SLIT1: variants seen among roughly 807,000 people sequenced by gnomAD.
SLIT1 encodes the protein slit homolog 1 protein.
SLIT1 carries 66 observed loss-of-function variants against 186.1 expected under a neutral mutation model. That is an observed-to-expected ratio of 0.35 (90% CI 0.29 to 0.44). SLIT1 has a LOEUF of 0.44. Ranked by LOEUF, SLIT1 falls within the 20% of genes least tolerant of loss-of-function variation. The probability of loss-of-function intolerance (pLI) is 1.00; values close to 1 mark genes in which losing one functional copy is unlikely to be tolerated. For missense variants in SLIT1, 1,638 were observed against 2,037.4 expected (o/e 0.80, Z 3.77); for synonymous variants, 761 against 833.8 (o/e 0.91, Z 1.50).
chr10:97,062,396 C>T (rs1326640907), intron 8 of SLIT1, among the ~76,000 whole-genome samples: 5 of 152,248 alleles, frequency 3.3e-5, no homozygotes, highest in Admixed American at 3.3e-4. Flanking sequence ...GTGTGGCTGG[C>T]AGGCCCAGTC....
At chr10:97,090,446 A>G (rs1390175632) in intron 4 of SLIT1, among the ~76,000 whole-genome samples, 1 of 152,202 alleles carries the variant, frequency 6.6e-6, no homozygotes, top group African/African-American at 2.4e-5. Context: ...AGCCATAGGC[A>G]GGGACTGGGT....
chr10:97,044,812 A>G (rs1017231314), intron 18 of SLIT1, among the ~76,000 whole-genome samples: 16 of 152,334 alleles, frequency 1.1e-4, no homozygotes, highest in African/African-American at 3.6e-4. Context: ...ATCATGCATT[A>G]TACGTGAACT....
chr10:97,041,719 C>T (rs1848692362), intron 20 of SLIT1, among the ~76,000 whole-genome samples: 3 of 152,288 alleles, frequency 2.0e-5, no homozygotes, highest in Non-Finnish European at 2.9e-5. Context: ...GATCTGCCCG[C>T]CTCGGCCTCC....
At position 97,040,196 on chromosome 10, in the gene SLIT1, C is replaced by G. The variant is rs907970163; in HGVS notation, c.2165-76G>C. The G allele has an allele frequency of 5.6e-5, 78 of 1,402,748 alleles. No individual in the cohort carries two copies. In the African/African-American group the frequency reaches 1.0e-3, roughly 19 times the overall value. The allele number at this position is 1,402,748 out of a possible 1,614,324, so 86.9% of individuals were successfully genotyped here. A position where few individuals can be genotyped will look rare whatever the true frequency, so the allele number is the denominator to read the frequency against. On this transcript the variant is annotated intron_variant, in intron 20 of 36. Coordinates refer to ENST00000266058, the MANE Select transcript of SLIT1 (RefSeq NM_003061.3). Reference sequence around the variant, plus strand: ...AGGGCCTCCTACAGTCAGGGCCATGCTCTGGGGCCTCTCAGAACAGAAGAC... The same window carrying G: ...AGGGCCTCCTACAGTCAGGGCCATGGTCTGGGGCCTCTCAGAACAGAAGAC...
intron 4 of SLIT1, among the ~76,000 whole-genome samples, chr10:97,130,916 C>G (rs545723452): frequency 2.6e-5 from 4 of 152,274 alleles, no homozygotes; most frequent in African/African-American, 7.2e-5. Context: ...CCTAGATTTT[C>G]TCAGGGAACA....
chr10:97,046,529 G>T, intron 18 of SLIT1, 125 bp downstream of exon 18: 1 of 957,500 alleles, frequency 1.0e-6, no homozygotes, highest in Non-Finnish European at 1.5e-6. Flanking sequence ...AGGATCCTCA[G>T]TTCTCCCCAC....
chr10:97,028,066 G>C (rs1035481319), intron 25 of SLIT1, among the ~76,000 whole-genome samples: 1 of 152,168 alleles, frequency 6.6e-6, no homozygotes, highest in Non-Finnish European at 1.5e-5. Context: ...GCAGAGACAA[G>C]CACAAATGCA....
chr10:97,003,095 C>G lies in SLIT1; in HGVS notation c.3866-103G>C, dbSNP rs562850126. On this transcript the variant is annotated intron_variant, in intron 34 of 36. Transcript: ENST00000266058. ...GCTCCATGGCCTTCCCTCTTGCCTG[C>G]GGCCTCTGTCCTTCATCTCTGCAAC... 2.3e-5 allele frequency: 26 copies of G among 1,148,774 alleles called. No individual in the cohort carries two copies. In the East Asian group the frequency reaches 5.9e-4, roughly 26 times the overall value. 71.2% of individuals were successfully genotyped at this position (1,148,774 alleles called of 1,614,324 possible).
At chr10:97,009,120 G>A (rs559874906) in intron 31 of SLIT1, among the ~76,000 whole-genome samples, 8 of 152,084 alleles carry the variant, frequency 5.3e-5, no homozygotes, top group South Asian at 4.2e-4. Flanking sequence ...CTTGTGATCC[G>A]CCTGCCTCGG....
intron 25 of SLIT1, among the ~76,000 whole-genome samples, chr10:97,029,952 C>T (rs980751634): frequency 7.2e-5 from 11 of 152,218 alleles, no homozygotes; most frequent in East Asian, 1.9e-4. Flanking sequence ...TGTCATAGCA[C>T]GCATCGGAAC....
chr10:97,126,822 G>C (rs1207522725), intron 4 of SLIT1, among the ~76,000 whole-genome samples: 4 of 152,200 alleles, frequency 2.6e-5, no homozygotes, highest in Non-Finnish European at 4.4e-5. Flanking sequence ...GTATGGGTGT[G>C]ACTTGCTCAA....
intron 4 of SLIT1, among the ~76,000 whole-genome samples, chr10:97,112,742 C>T (rs1486205021): frequency 1.3e-5 from 2 of 152,182 alleles, no homozygotes; most frequent in Non-Finnish European, 2.9e-5. Context: ...CACTCTGTCA[C>T]CCAGGCTGGA....
Position 96,998,461 on chromosome 10 carries a change from C to G in SLIT1, c.*2651G>C, listed in dbSNP as rs887690776. The G allele has an allele frequency of 1.3e-5, 2 of 152,224 alleles. No individual in the cohort carries two copies. Among genetic ancestry groups the G allele is most frequent in the African/African-American group, 4.8e-5 (2 of 41,448 alleles). The allele number at this position is 152,224 out of a possible 1,614,324, so 9.4% of individuals were successfully genotyped here. ...AGGCCACAGCTCCCTCCGGACGCAC[C>G]CTGCTGTATCTCTTCATGCCTAAAA... On this transcript the variant is annotated 3_prime_UTR_variant, in exon 37 of 37. Transcript: ENST00000266058.
chr10:97,077,384 C>T (rs1738278949), intron 4 of SLIT1, among the ~76,000 whole-genome samples: 1 of 152,194 alleles, frequency 6.6e-6, no homozygotes, highest in Admixed American at 6.5e-5. Context: ...TGGGTGCTCT[C>T]CTGCTCCCCT....
chr10:97,108,564 C>A (rs560205330), intron 4 of SLIT1, among the ~76,000 whole-genome samples: 2 of 152,174 alleles, frequency 1.3e-5, no homozygotes, highest in Non-Finnish European at 2.9e-5. Context: ...AGGGCCCTCA[C>A]GAAAGGCCCA....
intron 4 of SLIT1, among the ~76,000 whole-genome samples, chr10:97,075,893 T>C (rs1477560576): frequency 2.0e-5 from 3 of 152,208 alleles, no homozygotes. Context: ...ACCTCTGTAC[T>C]GGTTAGCATT....
chr10:97,159,265 C>T (rs146017373), intron 3 of SLIT1, among the ~76,000 whole-genome samples: 59 of 152,290 alleles, frequency 3.9e-4, no homozygotes, highest in Non-Finnish European at 7.6e-4. Flanking sequence ...GCCATTGCCA[C>T]CACATTGGGC....
Position 97,179,808 on chromosome 10 carries a change from C to T in SLIT1, c.197+5670G>A, listed in dbSNP as rs944081066. ...GCCAATTCTCCACACCCTCCCCGCC[C>T]CCCGGCACAGCCCAGCTCCCTGGCT... On this transcript the variant is annotated intron_variant, in intron 1 of 36. Transcript: ENST00000266058. Among the ~76,000 whole-genome samples, 3 of 149,992 alleles carry T rather than the reference C, an allele frequency of 2.0e-5. 1 individual carries two copies. Among genetic ancestry groups the T allele is most frequent in the Non-Finnish European group, 4.5e-5 (3 of 66,856 alleles).
At chr10:97,146,565 C>T (rs12570870) in intron 4 of SLIT1, among the ~76,000 whole-genome samples, 1,551 of 151,908 alleles carry the variant, frequency 0.01, 39 homozygotes, top group African/African-American at 0.036. Flanking sequence ...CCCAGCCCCC[C>T]CCACTGAACA....
Sources: allele counts gnomAD v4.1 joint callset (sites outside exome capture counted in the v4.1 genomes callset), GRCh38; gene constraint gnomAD v4.1.1; transcripts MANE v1.5; gene names NCBI Gene and HGNC (gene_info 2026-07-23, HGNC 2026-07-21).